The following SLIT3 variants were observed in gnomAD, a reference collection of about 807,000 sequenced individuals.
SLIT3 encodes slit guidance ligand 3.
In SLIT3, 68 loss-of-function variants were observed where a neutral mutation model predicts 184.0. The observed-to-expected ratio is 0.37, with a 90% confidence interval of 0.30 to 0.45. The LOEUF (loss-of-function observed/expected upper bound fraction) is 0.45. Among genes scored for constraint, SLIT3 ranks in the 20% least tolerant of loss-of-function variants. The pLI, the probability that SLIT3 is intolerant of heterozygous loss-of-function variation, is 1.00. For synonymous variants in SLIT3, 831 were observed against 828.6 expected (o/e 1.00, Z -0.05); for missense variants, 1,707 against 2,026.0 (o/e 0.84, Z 3.02).
At chr5:168,955,542 GGAAGGAA>G in intron 4 of SLIT3, among the ~76,000 whole-genome samples, 1 of 152,286 alleles carries the variant, frequency 6.6e-6, no homozygotes, top group South Asian at 2.1e-4. Flanking sequence ...TAAGCCATGG[GGAAGGAA>G]TGAGCTCAAA....
intron 13 of SLIT3, among the ~76,000 whole-genome samples, 188 bp downstream of exon 13, chr5:168,774,047 G>A (rs372754284): frequency 6.6e-6 from 1 of 152,194 alleles, no homozygotes; most frequent in African/African-American, 2.4e-5. Context: ...ACTCCATGTG[G>A]TGTCAAGCAC....
At chr5:168,690,138 CT>C (rs1341234574) in intron 29 of SLIT3, among the ~76,000 whole-genome samples, 420 of 138,048 alleles carry the variant, frequency 3.0e-3, no homozygotes, top group South Asian at 0.013. Context: ...TGTTTTCTTT[CT>C]TTTTTTTTTT....
chr5:169,125,864 C>T (rs1278448865), intron 4 of SLIT3, among the ~76,000 whole-genome samples: 1 of 152,196 alleles, frequency 6.6e-6, no homozygotes, highest in Admixed American at 6.5e-5. Context: ...ATTTCCTGAG[C>T]AAAGTTCTTT....
intron 4 of SLIT3, among the ~76,000 whole-genome samples, chr5:168,943,198 G>C (rs185246538): frequency 4.5e-4 from 68 of 152,246 alleles, no homozygotes; most frequent in Non-Finnish European, 6.9e-4. Context: ...TCCTAAAGTA[G>C]GACAAACTGT....
At chr5:169,189,563 T>C (rs1763477421) in intron 4 of SLIT3, among the ~76,000 whole-genome samples, 1 of 80,994 alleles carries the variant, frequency 1.2e-5, no homozygotes, top group Admixed American at 1.4e-4. Context: ...TATATATATA[T>C]ATATATATAT....
chr5:168,903,886 A>G (rs1760956131), intron 4 of SLIT3, among the ~76,000 whole-genome samples: 1 of 152,210 alleles, frequency 6.6e-6, no homozygotes, highest in Non-Finnish European at 1.5e-5. Flanking sequence ...CTTGATGTAC[A>G]GAAATCATCA....
chr5:168,784,095 T>C (rs1302126313), intron 12 of SLIT3, among the ~76,000 whole-genome samples: 3 of 151,658 alleles, frequency 2.0e-5, no homozygotes, highest in Non-Finnish European at 4.4e-5. Context: ...TTTTCCTTCC[T>C]GCACACACAC....
rs376712871 is a variant in SLIT3, at chr5:168,673,150, A to G, written c.3841+27T>C. On this transcript the variant is annotated intron_variant, in intron 33 of 35. Transcript: ENST00000519560. ...GGAGCACAGAGGGCCAGAGGGAGGT[A>G]GAGGTGGTAGGGAAAGAGGGCATTA... 3.4e-5 allele frequency: 55 copies of G among 1,610,448 alleles called. No homozygotes were observed. In the African/African-American group the frequency reaches 6.4e-4, roughly 19 times the overall value.
chr5:169,143,773 C>T (rs11749596), intron 4 of SLIT3, among the ~76,000 whole-genome samples: 1 of 152,058 alleles, frequency 6.6e-6, no homozygotes, highest in African/African-American at 2.4e-5. Context: ...GCACTCCAGC[C>T]TGGGTGACAG....
intron 14 of SLIT3, 111 bp downstream of exon 14, chr5:168,772,670 C>T (rs1373837653): frequency 8.5e-7 from 1 of 1,171,156 alleles, no homozygotes; most frequent in Non-Finnish European, 1.2e-6. Flanking sequence ...TGCAAAGATG[C>T]TCCCCAGGAG....
At chr5:169,202,774 A>G (rs1482267059) in intron 3 of SLIT3, among the ~76,000 whole-genome samples, 1 of 150,478 alleles carries the variant, frequency 6.6e-6, no homozygotes, top group Non-Finnish European at 1.5e-5. Flanking sequence ...TGAAAAGAAA[A>G]CAAGCACAAA....
chr5:169,105,896 T>C (rs1340432273), intron 4 of SLIT3, among the ~76,000 whole-genome samples: 2 of 152,132 alleles, frequency 1.3e-5, no homozygotes, highest in African/African-American at 4.8e-5. Flanking sequence ...TTTGCTATTG[T>C]GAATAGTGCT....
chr5:168,715,597 C>A (rs1052457849), intron 23 of SLIT3, among the ~76,000 whole-genome samples: 4 of 152,224 alleles, frequency 2.6e-5, no homozygotes, highest in Non-Finnish European at 5.9e-5. Context: ...CCCTCTGTGT[C>A]TTAAATAGAG....
At chr5:168,711,084 G>T (rs748323715) in intron 24 of SLIT3, 26 bp from the exon 25 acceptor site, 2 of 1,531,686 alleles carry the variant, frequency 1.3e-6, no homozygotes, top group South Asian at 1.3e-5. Context: ...GGAAGTCAGG[G>T]CCCCCTGCCC....
At chr5:169,273,248 C>G (rs1157169729) in intron 1 of SLIT3, among the ~76,000 whole-genome samples, 1 of 152,200 alleles carries the variant, frequency 6.6e-6, no homozygotes, top group Non-Finnish European at 1.5e-5. Flanking sequence ...GAGAGGGAGG[C>G]AGGCACCCTT....
rs73314030 is a variant in SLIT3 at position 169,083,712 on chromosome 5, C to A, written c.413+109767G>T. Among the ~76,000 whole-genome samples, 476 of 152,308 alleles carry A rather than the reference C, an allele frequency of 3.1e-3. 6 individuals are homozygous for A. The highest frequency in any genetic ancestry group is 0.011 in the African/African-American group (461 of 41,580). On this transcript the variant is annotated intron_variant, in intron 4 of 35. Transcript: ENST00000519560. ...CCATCACAGGCCTCTGGGCAGCACACAGCACGGCTCACAGCTGTCCACCAA... is the reference window on the plus strand; with the variant it reads ...CCATCACAGGCCTCTGGGCAGCACAAAGCACGGCTCACAGCTGTCCACCAA...
At chr5:169,259,514 T>C (rs1319072444) in intron 1 of SLIT3, among the ~76,000 whole-genome samples, 1 of 152,172 alleles carries the variant, frequency 6.6e-6, no homozygotes, top group Non-Finnish European at 1.5e-5. Context: ...GAGCACACCA[T>C]TGCTCAGACC....
In SLIT3 at chr5:168,791,311, G is replaced by C. The variant is rs568179283; in HGVS notation, c.1008-1680C>G. On this transcript the variant is annotated intron_variant, in intron 10 of 35. Coordinates refer to ENST00000519560, the MANE Select transcript of SLIT3 (RefSeq NM_003062.4). Reference sequence around the variant, plus strand: ...CGGAAACCCTCTGCTTTAGCTCTGGGAGGGCAAACTGGTTTTCAGTCCACA... The same window carrying C: ...CGGAAACCCTCTGCTTTAGCTCTGGCAGGGCAAACTGGTTTTCAGTCCACA... The C allele has an allele frequency of 4.6e-5, 7 of 152,352 alleles. No homozygotes were observed. In the South Asian group the frequency reaches 1.4e-3, roughly 32 times the overall value. 9.4% of individuals were successfully genotyped at this position (152,352 alleles called of 1,614,324 possible). A position where few individuals can be genotyped will look rare whatever the true frequency, so the allele number is the denominator to read the frequency against.
rs577542237 is a variant in SLIT3 at position 168,935,166 on chromosome 5, C to T, written c.414-51830G>A. ...AAAAAAAAACAAAAAAAAAAACCAA[C>T]AACAAAAAAGAATAATAACCCTATT... On this transcript the variant is annotated intron_variant, in intron 4 of 35. Coordinates refer to ENST00000519560, the MANE Select transcript of SLIT3 (RefSeq NM_003062.4). Among the ~76,000 whole-genome samples, 551 of 146,950 alleles carry T rather than the reference C, an allele frequency of 3.7e-3. 5 individuals are homozygous for T. Among genetic ancestry groups the T allele is most frequent in the Non-Finnish European group, 6.4e-3 (428 of 66,480 alleles).
Sources: allele counts gnomAD v4.1 joint callset (sites outside exome capture counted in the v4.1 genomes callset), GRCh38; gene constraint gnomAD v4.1.1; transcripts MANE v1.5; gene names NCBI Gene and HGNC (gene_info 2026-07-23, HGNC 2026-07-21).